KYNU: variants seen among roughly 807,000 people sequenced by gnomAD.
KYNU encodes L-kynurenine hydrolase.
A neutral mutation model predicts 59.2 loss-of-function variants in KYNU; 54 were observed. That is an observed-to-expected ratio of 0.91 (90% CI 0.73 to 1.14). KYNU has a LOEUF of 1.14. KYNU is among the 50% of genes most tolerant of loss of function. KYNU has a pLI of 0.00. For missense variants in KYNU, 567 were observed against 554.4 expected (o/e 1.02, Z -0.23); for synonymous variants, 177 against 192.0 (o/e 0.92, Z 0.65).
chr2:143,007,207 C>G (rs1248097219), intron 10 of KYNU, among the ~76,000 whole-genome samples: 2 of 150,284 alleles, frequency 1.3e-5, no homozygotes, highest in Admixed American at 6.6e-5. Flanking sequence ...CAGAGAAGTG[C>G]TTAAAGGAGC....
chr2:143,024,790 T>C (rs1050737255), intron 10 of KYNU, among the ~76,000 whole-genome samples: 1 of 152,136 alleles, frequency 6.6e-6, no homozygotes, highest in African/African-American at 2.4e-5. Flanking sequence ...TCAAATCATT[T>C]TTATTTCCTC....
chr2:142,988,078 C>A (rs920460319), intron 10 of KYNU, among the ~76,000 whole-genome samples: 3 of 151,510 alleles, frequency 2.0e-5, no homozygotes, highest in Non-Finnish European at 4.4e-5. Flanking sequence ...CAGTCTCAGG[C>A]AGTTGTTTGT....
At chr2:143,033,665 C>A (rs965179943) in intron 12 of KYNU, among the ~76,000 whole-genome samples, 5 of 152,188 alleles carry the variant, frequency 3.3e-5, no homozygotes, top group Non-Finnish European at 7.4e-5. Flanking sequence ...ACCAAATAAG[C>A]ATGCAATATT....
At position 143,055,597 on chromosome 2, in the gene KYNU, A is replaced by G. The variant is rs1687338943; in HGVS notation, c.*13425A>G. 6.6e-6 allele frequency: 1 copy of G among 151,724 alleles called. No homozygotes were observed. The highest frequency in any genetic ancestry group is 6.6e-5 in the Admixed American group (1 of 15,226). 9.4% of individuals were successfully genotyped at this position (151,724 alleles called of 1,614,324 possible). ...TATTCATACCTCTAAGGATTAGGAC[A>G]TGGACATCTTTGAGGGTCATTAGTC... On this transcript the variant is annotated 3_prime_UTR_variant, in exon 14 of 14. Transcript: ENST00000264170.
intron 8 of KYNU, among the ~76,000 whole-genome samples, chr2:142,975,199 C>T (rs546978333): frequency 6.6e-6 from 1 of 152,236 alleles, no homozygotes; most frequent in South Asian, 2.1e-4. Flanking sequence ...AAACCCCAAA[C>T]TCCTCTGGCA....
intron 8 of KYNU, among the ~76,000 whole-genome samples, chr2:142,983,521 C>CT (rs1685107311): frequency 6.6e-6 from 1 of 151,990 alleles, no homozygotes; most frequent in African/African-American, 2.4e-5. Context: ...AGTGTATATA[C>CT]TTGAACTGAT....
Position 142,953,308 on chromosome 2 carries a change from G to A in KYNU, c.374-1502G>A, listed in dbSNP as rs143250025. On this transcript the variant is annotated intron_variant, in intron 4 of 13. Coordinates refer to ENST00000264170, the MANE Select transcript of KYNU (RefSeq NM_003937.3). The stretch of plus-strand genomic sequence containing the variant: ...AATTGAAGTCAACCTCTCAGGGAAC[G>A]GCAAGAATGCTATGTGAATCTGCCT... Among the ~76,000 whole-genome samples, 5 of 152,292 alleles carry A rather than the reference G, an allele frequency of 3.3e-5. No individual in the cohort carries two copies. The East Asian group carries it at 7.7e-4, about 24-fold the overall frequency.
rs912447214 is a variant in KYNU, at chr2:143,055,679, G to C, written c.*13507G>C. The C allele has an allele frequency of 6.6e-6, 1 of 152,172 alleles. No individual in the cohort carries two copies. The allele number at this position is 152,172 out of a possible 1,614,324, so 9.4% of individuals were successfully genotyped here. A position where few individuals can be genotyped will look rare whatever the true frequency, so the allele number is the denominator to read the frequency against. Reference sequence around the variant, plus strand: ...GGAAGGAAGGAAGGAAGGAAGGAAGGAAGGAAAGGGAGGAGAGGAGAGGAG... The same window carrying C: ...GGAAGGAAGGAAGGAAGGAAGGAAGCAAGGAAAGGGAGGAGAGGAGAGGAG... On this transcript the variant is annotated 3_prime_UTR_variant, in exon 14 of 14. Coordinates refer to ENST00000264170, the MANE Select transcript of KYNU (RefSeq NM_003937.3).
chr2:143,018,468 G>C (rs559693927), intron 10 of KYNU, among the ~76,000 whole-genome samples: 22 of 151,972 alleles, frequency 1.4e-4, no homozygotes, highest in Admixed American at 4.6e-4. Flanking sequence ...TTTATTTCTG[G>C]ATTCTCTGTC....
At chr2:142,884,395 G>C (rs1374342356) in intron 1 of KYNU, among the ~76,000 whole-genome samples, 1 of 152,168 alleles carries the variant, frequency 6.6e-6, no homozygotes, top group Non-Finnish European at 1.5e-5. Flanking sequence ...CATGATCCAA[G>C]AACCACTGGG....
intron 10 of KYNU, among the ~76,000 whole-genome samples, chr2:143,006,425 A>T (rs1415136278): frequency 6.6e-6 from 1 of 150,932 alleles, no homozygotes; most frequent in African/African-American, 2.4e-5. Context: ...AATCTCGCTG[A>T]TTGCTAGCAC....
chr2:142,928,899 T>A (rs930194790), intron 4 of KYNU, among the ~76,000 whole-genome samples: 9 of 150,506 alleles, frequency 6.0e-5, no homozygotes, highest in Admixed American at 3.3e-4. Flanking sequence ...TCCCAGATAC[T>A]TGAGAGGCTG....
At chr2:142,891,744 C>G (rs1346928558) in intron 2 of KYNU, among the ~76,000 whole-genome samples, 4 of 152,118 alleles carry the variant, frequency 2.6e-5, no homozygotes, top group Non-Finnish European at 5.9e-5. Flanking sequence ...TCTCTATAAA[C>G]TAGAATCTTT....
chr2:143,023,196 A>G (rs1194526988), intron 10 of KYNU, among the ~76,000 whole-genome samples: 3 of 151,932 alleles, frequency 2.0e-5, no homozygotes, highest in African/African-American at 4.8e-5. Flanking sequence ...AGGAAATTTT[A>G]CCAATTCAGT....
intron 4 of KYNU, among the ~76,000 whole-genome samples, chr2:142,938,675 A>C (rs1683474449): frequency 6.6e-6 from 1 of 152,138 alleles, no homozygotes; most frequent in African/African-American, 2.4e-5. Flanking sequence ...ATTCAACAAC[A>C]CTCATGTTTA....
intron 4 of KYNU, 74 bp downstream of exon 4, chr2:142,927,815 T>A: frequency 9.9e-7 from 1 of 1,014,580 alleles, no homozygotes; most frequent in South Asian, 1.3e-5. Context: ...CACAGGCTCA[T>A]AAAGTCAAAA....
intron 10 of KYNU, among the ~76,000 whole-genome samples, chr2:142,990,865 A>G (rs1023523367): frequency 6.6e-6 from 1 of 151,898 alleles, no homozygotes; most frequent in Non-Finnish European, 1.5e-5. Flanking sequence ...TAAAGGCCTT[A>G]TTAAGGGCTT....
intron 2 of KYNU, among the ~76,000 whole-genome samples, chr2:142,917,471 A>C (rs1682703393): frequency 2.0e-5 from 3 of 152,182 alleles, no homozygotes; most frequent in Admixed American, 2.0e-4. Context: ...TTATTAAAAA[A>C]AAAAAAATTA....
chr2:142,986,971 CTA>C (rs1426030420), intron 10 of KYNU, among the ~76,000 whole-genome samples: 1 of 151,644 alleles, frequency 6.6e-6, no homozygotes, highest in Non-Finnish European at 1.5e-5. Context: ...TTAATTGTGT[CTA>C]AATTTTTTTC....
Sources: allele counts gnomAD v4.1 joint callset (sites outside exome capture counted in the v4.1 genomes callset), GRCh38; gene constraint gnomAD v4.1.1; transcripts MANE v1.5; gene names NCBI Gene and HGNC (gene_info 2026-07-23, HGNC 2026-07-21).